CPNE4: variants seen among roughly 807,000 people sequenced by gnomAD.
The protein encoded by CPNE4 is copine-4.
Under a neutral mutation model 67.9 loss-of-function variants are expected in CPNE4, and 25 were observed. The observed-to-expected ratio is 0.37, with a 90% CI of 0.27 to 0.51. The LOEUF is 0.51. Among genes scored for constraint, CPNE4 ranks in the 20% least tolerant of loss-of-function variants. The probability of loss-of-function intolerance (pLI) is 0.93; values close to 1 mark genes in which losing one functional copy is unlikely to be tolerated. For synonymous variants in CPNE4, 242 were observed against 244.9 expected (o/e 0.99, Z 0.11); for missense variants, 464 against 690.8 (o/e 0.67, Z 3.68).
chr3:131,549,829 C>T, intron 14 of CPNE4, 118 bp downstream of exon 14: 1 of 1,204,010 alleles, frequency 8.3e-7, no homozygotes, highest in Non-Finnish European at 1.2e-6. Flanking sequence ...AGTCATTTGT[C>T]CAAATTCACA....
intron 2 of CPNE4, among the ~76,000 whole-genome samples, chr3:131,898,824 C>A (rs191055804): frequency 9.9e-5 from 15 of 152,078 alleles, no homozygotes; most frequent in African/African-American, 3.6e-4. Context: ...CCAAGATCAG[C>A]TTTCTTTTTC....
intron 1 of CPNE4, among the ~76,000 whole-genome samples, chr3:131,945,736 C>T (rs908915912): frequency 6.6e-6 from 1 of 152,136 alleles, no homozygotes. Context: ...TTGTCTATTT[C>T]TCTCCTGGCA....
At position 131,978,476 on chromosome 3, in the gene CPNE4, T is replaced by A. The variant is rs866829018; in HGVS notation, c.-2+56091A>T. ...TATATATTTATATATATTTATATAT[T>A]TATATATATTTATATATATTTATAT... On this transcript the variant is annotated intron_variant, in intron 1 of 15. Transcript: ENST00000429747. Among the ~76,000 whole-genome samples the A allele has an allele frequency of 8.3e-4, 32 of 38,324 alleles. 7 individuals are homozygous for A. The highest frequency in any genetic ancestry group is 4.5e-3 in the African/African-American group (26 of 5,770). The allele number at this position is 38,324 out of a possible 152,430, so 25.1% of individuals were successfully genotyped here. A position where few individuals can be genotyped will look rare whatever the true frequency, so the allele number is the denominator to read the frequency against.
intron 2 of CPNE4, among the ~76,000 whole-genome samples, chr3:131,723,964 A>T (rs964746923): frequency 2.7e-5 from 4 of 150,804 alleles, no homozygotes; most frequent in Non-Finnish European, 5.9e-5. Context: ...GAACATTATG[A>T]ACAGTAAAAA....
At chr3:131,781,458 A>G (rs1316176279) in intron 2 of CPNE4, among the ~76,000 whole-genome samples, 1 of 152,060 alleles carries the variant, frequency 6.6e-6, no homozygotes, top group African/African-American at 2.4e-5. Context: ...AGGAATGAAC[A>G]AATAATAAAT....
intron 1 of CPNE4, among the ~76,000 whole-genome samples, chr3:131,973,765 A>C (rs1273048024): frequency 6.6e-6 from 1 of 152,212 alleles, no homozygotes; most frequent in African/African-American, 2.4e-5. Flanking sequence ...ATGGGCATGA[A>C]TTTTTATCTC....
chr3:131,850,517 A>G (rs572538557), intron 2 of CPNE4, among the ~76,000 whole-genome samples: 1 of 152,280 alleles, frequency 6.6e-6, no homozygotes, highest in African/African-American at 2.4e-5. Flanking sequence ...GAAGATCTCA[A>G]TAAATGCTTC....
rs542374342 is a variant in CPNE4 at position 131,914,742 on chromosome 3, C to A, written c.-1-9298G>T. Among the ~76,000 whole-genome samples the A allele has an allele frequency of 4.6e-5, 7 of 152,228 alleles. No individual in the cohort carries two copies. In the East Asian group the frequency reaches 1.4e-3, roughly 29 times the overall value. ...CTGTAATCCCAGCACTGTGGGAGGC[C>A]AAGGTGGGTGGATCACCTGAGGTTG... On this transcript the variant is annotated intron_variant, in intron 1 of 15. Coordinates refer to ENST00000429747, the MANE Select transcript of CPNE4 (RefSeq NM_130808.3).
chr3:131,961,962 C>T (rs1268377269), intron 1 of CPNE4, among the ~76,000 whole-genome samples: 1 of 152,212 alleles, frequency 6.6e-6, no homozygotes, highest in Non-Finnish European at 1.5e-5. Flanking sequence ...TTATCTCTAT[C>T]CCATCTGGCC....
At chr3:131,680,015 G>T (rs1312741292) in intron 6 of CPNE4, among the ~76,000 whole-genome samples, 1 of 152,078 alleles carries the variant, frequency 6.6e-6, no homozygotes, top group Non-Finnish European at 1.5e-5. Flanking sequence ...TGTTAATATT[G>T]TCTGTGGGGT....
At chr3:131,884,587 A>T (rs1001105801) in intron 2 of CPNE4, among the ~76,000 whole-genome samples, 1 of 152,118 alleles carries the variant, frequency 6.6e-6, no homozygotes, top group African/African-American at 2.4e-5. Context: ...GATCTTGGAA[A>T]CTGATATGGT....
chr3:131,760,952 C>T (rs2082871629), intron 2 of CPNE4, among the ~76,000 whole-genome samples: 2 of 152,168 alleles, frequency 1.3e-5, no homozygotes, highest in Non-Finnish European at 2.9e-5. Context: ...ATTTAATTTT[C>T]TTAGCGGCTG....
At chr3:131,921,569 C>G (rs1181001405) in intron 1 of CPNE4, among the ~76,000 whole-genome samples, 1 of 152,116 alleles carries the variant, frequency 6.6e-6, no homozygotes, top group African/African-American at 2.4e-5. Context: ...CTTTTTTAAT[C>G]AGATATCCTG....
At chr3:132,032,908 T>G (rs545867927) in intron 1 of CPNE4, among the ~76,000 whole-genome samples, 5 of 152,386 alleles carry the variant, frequency 3.3e-5, no homozygotes, top group African/African-American at 1.2e-4. Context: ...TCTGGCTTTT[T>G]GGGGGATATG....
intron 3 of CPNE4, among the ~76,000 whole-genome samples, chr3:131,715,030 C>T (rs1344243984): frequency 4.9e-5 from 2 of 40,934 alleles, no homozygotes; most frequent in East Asian, 3.7e-4. Context: ...ACAGTCATAA[C>T]TGTCTCCAAA....
intron 2 of CPNE4, among the ~76,000 whole-genome samples, chr3:131,767,260 C>CGTGTGTGTGTGTGT (rs67444198): frequency 7.1e-4 from 107 of 150,348 alleles, no homozygotes; most frequent in African/African-American, 2.4e-3. Flanking sequence ...TAAGTGTGAG[C>CGTGTGTGTGTGTGT]GTGTGTGTGT....
chr3:131,883,383 T>C (rs1281332717), intron 2 of CPNE4, among the ~76,000 whole-genome samples: 5 of 152,200 alleles, frequency 3.3e-5, no homozygotes, highest in Admixed American at 3.3e-4. Flanking sequence ...GGGTGTGCTT[T>C]TACAATTCAG....
Position 131,542,544 on chromosome 3 carries a change from T to A in CPNE4, c.1539+13A>T. Reference sequence around the variant, plus strand: ...CTCTTCCATGAAAAGTGCCCCAATGTGTATATGCATACGTGTTTGAAGTTC... The same window carrying A: ...CTCTTCCATGAAAAGTGCCCCAATGAGTATATGCATACGTGTTTGAAGTTC... On this transcript the variant is annotated intron_variant, in intron 15 of 15. Coordinates refer to ENST00000429747, the MANE Select transcript of CPNE4 (RefSeq NM_130808.3). The A allele has an allele frequency of 6.3e-7, 1 of 1,578,842 alleles. No homozygotes were observed. The highest frequency in any genetic ancestry group is 8.7e-7 in the Non-Finnish European group (1 of 1,147,848).
At chr3:131,971,731 G>C (rs1428366118) in intron 1 of CPNE4, among the ~76,000 whole-genome samples, 2 of 152,102 alleles carry the variant, frequency 1.3e-5, no homozygotes, top group African/African-American at 4.8e-5. Context: ...CACTGGCAGG[G>C]AAGCAAAGAC....
Sources: allele counts gnomAD v4.1 joint callset (sites outside exome capture counted in the v4.1 genomes callset), GRCh38; gene constraint gnomAD v4.1.1; transcripts MANE v1.5; gene names NCBI Gene and HGNC (gene_info 2026-07-23, HGNC 2026-07-21).